Variants in PLXNA2 observed in about 807,000 individuals in gnomAD.
The protein encoded by PLXNA2 is plexin A2, also known as plexin-A2.
A neutral mutation model predicts 193.5 loss-of-function variants in PLXNA2; 91 were observed. That is an observed-to-expected ratio of 0.47 (90% CI 0.40 to 0.56). The LOEUF (loss-of-function observed/expected upper bound fraction) is 0.56, where lower values mean the gene tolerates loss of function less well. Ranked by LOEUF, PLXNA2 falls within the 20% of genes least tolerant of loss-of-function variation. The pLI, the probability that PLXNA2 is intolerant of heterozygous loss-of-function variation, is 0.00. For synonymous variants in PLXNA2, 997 were observed against 1,027.3 expected, an observed-to-expected ratio of 0.97 and a Z score of 0.56; for missense variants, 1,995 against 2,503.2, an observed-to-expected ratio of 0.80 and a Z score of 4.33.
At chr1:208,113,303 C>A (rs944669814) in intron 4 of PLXNA2, among the ~76,000 whole-genome samples, 1 of 152,168 alleles carries the variant, frequency 6.6e-6, no homozygotes, top group African/African-American at 2.4e-5. Flanking sequence ...CCTACTCATT[C>A]CTACTCATTC....
At chr1:208,159,339 T>G (rs1300358028) in intron 3 of PLXNA2, among the ~76,000 whole-genome samples, 1 of 152,210 alleles carries the variant, frequency 6.6e-6, no homozygotes, top group Non-Finnish European at 1.5e-5. Context: ...GATCATCCTG[T>G]GGGGGGAAGT....
chr1:208,156,599 T>A (rs1668947903), intron 3 of PLXNA2, among the ~76,000 whole-genome samples: 1 of 152,198 alleles, frequency 6.6e-6, no homozygotes, highest in African/African-American at 2.4e-5. Flanking sequence ...AAATCTTTTA[T>A]TAATCCATTT....
intron 17 of PLXNA2, among the ~76,000 whole-genome samples, chr1:208,047,120 C>A (rs1021709878): frequency 2.0e-4 from 31 of 152,052 alleles, no homozygotes; most frequent in African/African-American, 7.5e-4. Context: ...GCCACCACGC[C>A]CAGCTAATTT....
chr1:208,066,059 T>A (rs1665786601), intron 12 of PLXNA2, among the ~76,000 whole-genome samples: 1 of 152,014 alleles, frequency 6.6e-6, no homozygotes. Flanking sequence ...TGAGTGAGTG[T>A]GTGTGTGGTG....
intron 27 of PLXNA2, 46 bp from the exon 28 acceptor site, chr1:208,033,555 C>A: frequency 6.7e-7 from 1 of 1,489,678 alleles, no homozygotes. Flanking sequence ...CAGTCACCAG[C>A]CTTGCTTGTA....
Position 208,044,975 on chromosome 1 carries a change from G to T in PLXNA2, c.3639+92C>A. 1 of 1,472,366 alleles carries T rather than the reference G, an allele frequency of 6.8e-7. No individual in the cohort carries two copies. Among genetic ancestry groups the T allele is most frequent in the Non-Finnish European group, 9.4e-7 (1 of 1,060,706 alleles). The allele number at this position is 1,472,366 out of a possible 1,614,324, so 91.2% of individuals were successfully genotyped here. On this transcript the variant is annotated intron_variant, in intron 19 of 31. Transcript: ENST00000367033. This position sits in a 1 kb window ranked among gnomAD's most constrained non-coding sequence, Gnocchi z 4.9. The stretch of plus-strand genomic sequence containing the variant: ...GAGGAGATATGGAGGGGGTGAGTCA[G>T]GCAACGAGACAGAAGAGAGCCTTTC...
chr1:208,198,871 A>G (rs1670449189), intron 3 of PLXNA2, among the ~76,000 whole-genome samples: 1 of 152,226 alleles, frequency 6.6e-6, no homozygotes, highest in Admixed American at 6.5e-5. Flanking sequence ...AATTAGTAGC[A>G]TTGAGACTCT....
At chr1:208,033,010 G>A (rs1664550095) in intron 28 of PLXNA2, among the ~76,000 whole-genome samples, 1 of 151,644 alleles carries the variant, frequency 6.6e-6, no homozygotes, top group African/African-American at 2.4e-5. Flanking sequence ...CCTGCCCAGG[G>A]AACTGGACTA....
chr1:208,130,298 C>T lies in PLXNA2; in HGVS notation c.1506+12031G>A, dbSNP rs536049218. Among the ~76,000 whole-genome samples, 17 of 152,300 alleles carry T rather than the reference C, an allele frequency of 1.1e-4. No homozygotes were observed. The South Asian group carries it at 3.5e-3, about 32-fold the overall frequency. ...GCTGGGCTCTAAAAACAGTGTAAAG[C>T]TGGGAGGAGAAGGGCTTGAACACAC... On this transcript the variant is annotated intron_variant, in intron 4 of 31. Coordinates refer to ENST00000367033, the MANE Select transcript of PLXNA2 (RefSeq NM_025179.4).
chr1:208,102,658 T>A lies in PLXNA2; in HGVS notation c.1607+489A>T, dbSNP rs192530103. On this transcript the variant is annotated intron_variant, in intron 5 of 31. Coordinates refer to ENST00000367033, the MANE Select transcript of PLXNA2 (RefSeq NM_025179.4). ...CAGTCTTCACAATTCACCTGTGAAA[T>A]AGGCATTTTCCCTAAACAGCAATGG... 9.8e-5 allele frequency among the ~76,000 whole-genome samples: 15 copies of A among 152,320 alleles called. No individual in the cohort carries two copies. The East Asian group carries it at 2.7e-3, about 27-fold the overall frequency.
chr1:208,212,152 GC>G (rs2102603130), intron 2 of PLXNA2, among the ~76,000 whole-genome samples: 1 of 152,304 alleles, frequency 6.6e-6, no homozygotes, highest in Non-Finnish European at 1.5e-5. Flanking sequence ...AGAACAGCCT[GC>G]CCCCATGCTC....
chr1:208,206,846 C>T (rs372386760), intron 3 of PLXNA2, among the ~76,000 whole-genome samples: 9 of 151,268 alleles, frequency 5.9e-5, no homozygotes, highest in East Asian at 5.8e-4. Context: ...TCACTGCAAC[C>T]TCCACCTCCC....
At chr1:208,173,354 A>C (rs1024906110) in intron 3 of PLXNA2, among the ~76,000 whole-genome samples, 1 of 152,166 alleles carries the variant, frequency 6.6e-6, no homozygotes, top group Admixed American at 6.5e-5. Context: ...CTGCACTATG[A>C]GCCCCGTTTA....
chr1:208,191,266 G>C (rs1279849663), intron 3 of PLXNA2, among the ~76,000 whole-genome samples: 1 of 152,178 alleles, frequency 6.6e-6, no homozygotes, highest in Admixed American at 6.5e-5. Context: ...ACATCAAGAA[G>C]GTGCCTCAAA....
intron 3 of PLXNA2, 71 bp downstream of exon 3, chr1:208,210,209 C>T: frequency 6.6e-7 from 1 of 1,525,642 alleles, no homozygotes; most frequent in Non-Finnish European, 9.1e-7. Context: ...CCACCAATAG[C>T]TACCTTCCAA....
chr1:208,207,553 G>T (rs1276891350), intron 3 of PLXNA2, among the ~76,000 whole-genome samples: 1 of 152,212 alleles, frequency 6.6e-6, no homozygotes, highest in Non-Finnish European at 1.5e-5. Flanking sequence ...ATGAGGGCTG[G>T]ACAGCCTGAC....
intron 20 of PLXNA2, among the ~76,000 whole-genome samples, chr1:208,043,828 T>C (rs1664961333): frequency 6.6e-6 from 1 of 152,270 alleles, no homozygotes; most frequent in South Asian, 2.1e-4. Context: ...GGCTTGTTTC[T>C]GATCTTGACA....
intron 1 of PLXNA2, among the ~76,000 whole-genome samples, chr1:208,228,940 G>A (rs895603338): frequency 4.6e-5 from 7 of 152,066 alleles, no homozygotes; most frequent in Admixed American, 2.0e-4. Flanking sequence ...CATGGCCCTC[G>A]GGTGATTTAG....
intron 2 of PLXNA2, among the ~76,000 whole-genome samples, chr1:208,211,119 G>A (rs1406285149): frequency 6.6e-6 from 1 of 152,218 alleles, no homozygotes; most frequent in Non-Finnish European, 1.5e-5. Flanking sequence ...CTATGCCTCA[G>A]TTTCTTCCTT....
Sources: gnomAD v4.1 joint callset for allele counts (sites outside exome capture counted in the v4.1 genomes callset) on GRCh38, gnomAD v4.1.1 for gene constraint, Gnocchi (gnomAD v3.1) non-coding constraint, MANE v1.5 for transcripts, NCBI Gene and HGNC (gene_info 2026-07-23, HGNC 2026-07-21) for gene names.